The following ZNF397 variants were observed in gnomAD, a reference collection of about 807,000 sequenced individuals.
ZNF397 encodes the protein zinc finger protein 397, also known as zinc finger and SCAN domain-containing protein 15.
A neutral mutation model predicts 50.6 loss-of-function variants in ZNF397; 38 were observed. The ratio of observed to expected loss-of-function variants is 0.75; its 90% CI spans 0.58 to 0.98. The LOEUF is 0.98. Ranked by LOEUF, ZNF397 falls within the 50% of genes least tolerant of loss-of-function variation. The probability of loss-of-function intolerance (pLI) is 0.00; values close to 1 mark genes in which losing one functional copy is unlikely to be tolerated. For synonymous variants in ZNF397, 228 were observed against 215.2 expected (o/e 1.06, Z -0.52); for missense variants, 624 against 624.1 (o/e 1.00, Z 0.00).
chr18:35,248,011 GAC>G lies in ZNF397; in HGVS notation c.*1703_*1704del, dbSNP rs1015397342. On this transcript the variant is annotated 3_prime_UTR_variant, in exon 4 of 4. Transcript: ENST00000330501. ...ATTAAAGACAATGCTAAAAGGAAGT[GAC>G]AACTGAAACTAATGGTCACAGTCAG... 1.4e-4 allele frequency: 21 copies of G among 152,300 alleles called. No homozygotes were observed. The highest frequency in any genetic ancestry group is 1.0e-3 in the Admixed American group (16 of 15,302). The allele number at this position is 152,300 out of a possible 1,614,324, so 9.4% of individuals were successfully genotyped here.
chr18:35,254,349 C>A, downstream of ZNF397: 9 of 1,613,852 alleles, frequency 5.6e-6, no homozygotes, highest in Non-Finnish European at 7.6e-6. Context: ...TCTTGCTTTG[C>A]CATCAACACT....
At chr18:35,253,485 G>A (rs1288951018), downstream of ZNF397, 2 of 1,602,688 alleles carry the variant, frequency 1.2e-6, no homozygotes, top group Non-Finnish European at 1.7e-6. Flanking sequence ...TGCTGCATAA[G>A]GCCTGACCTA....
In ZNF397 at chr18:35,247,001, C is replaced by T. The variant is rs2043493471; in HGVS notation, c.*691C>T. 1.1e-6 allele frequency: 1 copy of T among 894,878 alleles called. No homozygotes were observed. Among genetic ancestry groups the T allele is most frequent in the Admixed American group, 6.2e-5 (1 of 16,146 alleles). 55.4% of individuals were successfully genotyped at this position (894,878 alleles called of 1,614,324 possible). ...GACCTTAAGGAGCACCTGACTCAGC[C>T]TTGGATAAGGAAATGGGGGAAATGG... On this transcript the variant is annotated 3_prime_UTR_variant, in exon 4 of 4. Transcript: ENST00000330501.
downstream of ZNF397, chr18:35,254,404 TA>T (rs1356793777): frequency 8.7e-6 from 14 of 1,613,744 alleles, no homozygotes; most frequent in Middle Eastern, 3.3e-4. Flanking sequence ...ATAGAAAGTG[TA>T]AGTATCATTT....
At chr18:35,257,754 C>A (rs151287736) in intron 5 of ZNF397, among the ~76,000 whole-genome samples, 9 of 152,318 alleles carry the variant, frequency 5.9e-5, no homozygotes, top group African/African-American at 2.2e-4. Flanking sequence ...CAGGAAGTAA[C>A]TTCCACCTTC....
intron 1 of ZNF397, chr18:35,241,434 CTT>C (rs1373293595): frequency 1.3e-5 from 2 of 152,244 alleles, no homozygotes; most frequent in African/African-American, 2.4e-5. Flanking sequence ...TAATTCATCT[CTT>C]AACGTTAACC....
Position 35,246,007 on chromosome 18 carries a change from C to G in ZNF397, c.1302C>G (p.Phe434Leu). Residue 434 changes from phenylalanine to leucine, a missense_variant, in exon 4 of 4, where the codon TTC becomes TTG. Coordinates refer to ENST00000330501, the MANE Select transcript of ZNF397 (RefSeq NM_001135178.3). ...PYECNECGKA[F>L]RQSSELITHQ... is the part of the protein sequence containing the mutation. Reference sequence around the variant, plus strand: ...AATGTAATGAATGTGGAAAAGCTTTCAGGCAGAGCTCAGAGCTGATTACTC... The same window carrying G: ...AATGTAATGAATGTGGAAAAGCTTTGAGGCAGAGCTCAGAGCTGATTACTC... 1 of 1,575,312 alleles carries G rather than the reference C, an allele frequency of 6.3e-7. No individual in the cohort carries two copies. Among genetic ancestry groups the G allele is most frequent in the Non-Finnish European group, 8.6e-7 (1 of 1,160,394 alleles).
Position 35,245,937 on chromosome 18 carries a change from A to G in ZNF397, c.1232A>G (p.Lys411Arg). The G allele has an allele frequency of 6.3e-7, 1 of 1,578,868 alleles. No homozygotes were observed. Among genetic ancestry groups the G allele is most frequent in the South Asian group, 1.2e-5 (1 of 86,288 alleles). ...ECGKTFSQSS[K>R]LIRHQRIHTG... The stretch of plus-strand genomic sequence containing the variant: ...GGGAAAACCTTTAGCCAGAGCTCAA[A>G]ACTCATTAGACATCAGCGAATTCAC... Residue 411 changes from lysine (K) to arginine (R), a missense_variant, in exon 4 of 4, where the codon AAA becomes AGA. Transcript: ENST00000330501.
Position 35,245,795 on chromosome 18 carries a change from A to T in ZNF397, c.1090A>T (p.Thr364Ser). ...SALIRHRKIH[T>S]GEKACKCNEC... ...CCTCATTAGACATCGGAAAATCCAT[A>T]CTGGTGAGAAAGCTTGTAAATGTAA... The change falls in exon 4 of 4, where the codon ACT (threonine) becomes TCT (serine). Residue 364 changes from threonine to serine, a missense_variant. Physicochemically the swap from Thr to Ser is moderately conservative, Grantham distance 58. Coordinates refer to ENST00000330501, the MANE Select transcript of ZNF397 (RefSeq NM_001135178.3). The T allele has an allele frequency of 6.4e-7, 1 of 1,552,154 alleles. No homozygotes were observed. The highest frequency in any genetic ancestry group is 8.7e-7 in the Non-Finnish European group (1 of 1,147,172).
intron 3 of ZNF397, among the ~76,000 whole-genome samples, chr18:35,244,555 C>A (rs928029443): frequency 6.6e-6 from 1 of 151,976 alleles, no homozygotes; most frequent in Non-Finnish European, 1.5e-5. Flanking sequence ...GAGGAACGCT[C>A]GTGTTTGAGT....
chr18:35,245,245 G>T lies in ZNF397; in HGVS notation c.557-17G>T, dbSNP rs1456573881. On this transcript the variant is annotated splice_polypyrimidine_tract_variant and intron_variant, in intron 3 of 3. Coordinates refer to ENST00000330501, the MANE Select transcript of ZNF397 (RefSeq NM_001135178.3). The stretch of plus-strand genomic sequence containing the variant: ...AGAGAAATGTAATATCTGTTTTTTT[G>T]CTACTTATTGTTTCAGATTGTGAGA... 7.1e-6 allele frequency: 11 copies of T among 1,558,080 alleles called. No individual in the cohort carries two copies. The highest frequency in any genetic ancestry group is 4.0e-5 in the Admixed American group (2 of 49,634).
chr18:35,257,279 C>T (rs2043862523), intron 5 of ZNF397: 1 of 152,554 alleles, frequency 6.6e-6, no homozygotes, highest in African/African-American at 2.4e-5. Flanking sequence ...CCACTGCCCA[C>T]CCAGTTCCCC....
intron 5 of ZNF397, among the ~76,000 whole-genome samples, chr18:35,255,349 T>C (rs749350892): frequency 6.6e-6 from 1 of 151,854 alleles, no homozygotes; most frequent in East Asian, 2.0e-4. Context: ...ATGGCTGATA[T>C]AACTTGAATT....
rs2043500428 is a variant in ZNF397, at chr18:35,247,453, T to C, written c.*1143T>C. ...TTGATTCTAAAGACAATATCAGAGCTGCTGTCAGGTTTCTTAAAATTCCCA... is the reference window on the plus strand; with the variant it reads ...TTGATTCTAAAGACAATATCAGAGCCGCTGTCAGGTTTCTTAAAATTCCCA... On this transcript the variant is annotated 3_prime_UTR_variant, in exon 4 of 4. Transcript: ENST00000330501. 6.6e-6 allele frequency: 1 copy of C among 152,244 alleles called. No homozygotes were observed. The highest frequency in any genetic ancestry group is 2.4e-5 in the African/African-American group (1 of 41,438). 9.4% of individuals were successfully genotyped at this position (152,244 alleles called of 1,614,324 possible).
chr18:35,243,534 A>G (rs1912690257), intron 3 of ZNF397: 3 of 640,280 alleles, frequency 4.7e-6, no homozygotes, highest in Non-Finnish European at 8.2e-6. Context: ...TAAAGCGTCA[A>G]TACATGTCTG....
At chr18:35,253,482 T>G, downstream of ZNF397, 1 of 1,596,884 alleles carries the variant, frequency 6.3e-7, no homozygotes, top group Non-Finnish European at 8.5e-7. Context: ...TGATGCTGCA[T>G]AAGGCCTGAC....
intron 3 of ZNF397, 47 bp downstream of exon 3, chr18:35,243,340 GT>G: frequency 6.2e-7 from 1 of 1,613,908 alleles, no homozygotes; most frequent in South Asian, 1.1e-5. Context: ...TTAGGCCTCT[GT>G]TTTTGAGAAT....
In ZNF397 at chr18:35,247,957, A is replaced by G. The variant is rs772659561; in HGVS notation, c.*1647A>G. 6.6e-6 allele frequency: 1 copy of G among 152,248 alleles called. No homozygotes were observed. The highest frequency in any genetic ancestry group is 1.5e-5 in the Non-Finnish European group (1 of 68,048). 9.4% of individuals were successfully genotyped at this position (152,248 alleles called of 1,614,324 possible). On this transcript the variant is annotated 3_prime_UTR_variant, in exon 4 of 4. Transcript: ENST00000330501. ...AGTGCTGGGATTACAGGCGTGAGCC[A>G]TGGCGCCCAACCATCTTTTGCAAAT... is the stretch of plus-strand genomic sequence containing the variant.
exon 6 of ZNF397, chr18:35,258,346 A>C (rs1474349325): frequency 2.5e-5 from 5 of 197,294 alleles, no homozygotes; most frequent in Non-Finnish European, 5.1e-5. Flanking sequence ...TCAACAACAT[A>C]CTGCCACTAT....
Sources: gnomAD v4.1 joint callset for allele counts (sites outside exome capture counted in the v4.1 genomes callset) on GRCh38, gnomAD v4.1.1 for gene constraint, MANE v1.5 for transcripts, NCBI Gene and HGNC (gene_info 2026-07-23, HGNC 2026-07-21) for gene names.